POLK: variants seen among roughly 807,000 people sequenced by gnomAD.
POLK encodes polymerase (DNA directed) kappa.
Under a neutral mutation model 94.0 loss-of-function variants are expected in POLK, and 76 were observed. That is an observed-to-expected ratio of 0.81 (90% CI 0.67 to 0.98). POLK has a LOEUF of 0.98. Ranked by LOEUF, POLK falls within the 50% of genes least tolerant of loss-of-function variation. POLK has a pLI of 0.00. For synonymous variants in POLK, 349 were observed against 325.4 expected (o/e 1.07, Z -0.78); for missense variants, 954 against 1,010.1 (o/e 0.94, Z 0.75).
At chr5:75,564,524 G>A (rs1344352805) in intron 3 of POLK, among the ~76,000 whole-genome samples, 1 of 152,296 alleles carries the variant, frequency 6.6e-6, no homozygotes, top group East Asian at 1.9e-4. Flanking sequence ...GCAGTGCCTG[G>A]TACCGGTTTT....
chr5:75,542,869 C>T (rs752146791), intron 1 of POLK, among the ~76,000 whole-genome samples: 28 of 150,360 alleles, frequency 1.9e-4, no homozygotes, highest in Non-Finnish European at 3.1e-4. Context: ...TCTGCCACCG[C>T]GCCCAGCTAA....
At chr5:75,589,380 T>TACACACAC (rs1156672391) in intron 10 of POLK, among the ~76,000 whole-genome samples, 25 of 67,764 alleles carry the variant, frequency 3.7e-4, no homozygotes, top group African/African-American at 7.9e-4. Context: ...TTTATATATA[T>TACACACAC]ACACACATAC....
chr5:75,537,140 G>A (rs1224985104), intron 1 of POLK, among the ~76,000 whole-genome samples: 1 of 152,240 alleles, frequency 6.6e-6, no homozygotes, highest in East Asian at 1.9e-4. Context: ...TTCAGGCACT[G>A]CAGTGGCGGC....
At chr5:75,603,765 T>G (rs1281780872), downstream of POLK, among the ~76,000 whole-genome samples, 1 of 152,336 alleles carries the variant, frequency 6.6e-6, no homozygotes, top group East Asian at 1.9e-4. Context: ...ATATGCTTCC[T>G]GAATGCCCCT....
At chr5:75,547,733 G>T (rs1207289786) in intron 2 of POLK, among the ~76,000 whole-genome samples, 2 of 152,118 alleles carry the variant, frequency 1.3e-5, no homozygotes, top group African/African-American at 4.8e-5. Context: ...ATATGCATGT[G>T]TGATTTTTAT....
intron 3 of POLK, among the ~76,000 whole-genome samples, chr5:75,564,251 TTTTCTTTCTTTC>T (rs1771147527): frequency 6.7e-6 from 1 of 149,280 alleles, no homozygotes; most frequent in African/African-American, 2.6e-5. Flanking sequence ...TCTTTCTTTC[TTTTCTTTCTTTC>T]CTTTCTTTTT....
chr5:75,586,051 G>A (rs1772454201), intron 9 of POLK, among the ~76,000 whole-genome samples: 1 of 152,064 alleles, frequency 6.6e-6, no homozygotes, highest in Non-Finnish European at 1.5e-5. Context: ...AAGATAGCAG[G>A]AAATAAAACT....
At chr5:75,538,948 T>C (rs1398498455) in intron 1 of POLK, among the ~76,000 whole-genome samples, 1 of 152,094 alleles carries the variant, frequency 6.6e-6, no homozygotes, top group Non-Finnish European at 1.5e-5. Context: ...TTTTTTGTAT[T>C]TTTAGTAGAG....
intron 4 of POLK, among the ~76,000 whole-genome samples, chr5:75,571,692 C>G (rs1771607961): frequency 6.6e-6 from 1 of 152,122 alleles, no homozygotes; most frequent in Non-Finnish European, 1.5e-5. Flanking sequence ...AAAGCAAAAG[C>G]CTAGGTTTCA....
intron 1 of POLK, among the ~76,000 whole-genome samples, chr5:75,527,577 ATGTG>A (rs888502618): frequency 1.3e-5 from 2 of 149,886 alleles, no homozygotes; most frequent in African/African-American, 4.9e-5. Flanking sequence ...ATACATGTGT[ATGTG>A]TGTGTGTATA....
intron 1 of POLK, among the ~76,000 whole-genome samples, chr5:75,520,676 G>T (rs1308393529): frequency 6.6e-6 from 1 of 152,152 alleles, no homozygotes; most frequent in Admixed American, 6.5e-5. Context: ...TAGTATTACA[G>T]GCATGAACCA....
At chr5:75,532,863 T>C (rs914167662) in intron 1 of POLK, among the ~76,000 whole-genome samples, 2 of 152,244 alleles carry the variant, frequency 1.3e-5, no homozygotes, top group Non-Finnish European at 2.9e-5. Context: ...TTCATATGTT[T>C]GTTAGCCACG....
At chr5:75,513,861 C>T (rs1768196417) in intron 1 of POLK, among the ~76,000 whole-genome samples, 1 of 151,922 alleles carries the variant, frequency 6.6e-6, no homozygotes, top group African/African-American at 2.4e-5. Flanking sequence ...TGAGTCTCTT[C>T]CTGTTACTGT....
chr5:75,536,232 T>G (rs1769438507), intron 1 of POLK, among the ~76,000 whole-genome samples: 1 of 152,204 alleles, frequency 6.6e-6, no homozygotes, highest in South Asian at 2.1e-4. Flanking sequence ...GCTCTCTGAT[T>G]ACTTTCTCTG....
intron 1 of POLK, among the ~76,000 whole-genome samples, chr5:75,515,275 A>G (rs1009891076): frequency 2.0e-5 from 3 of 152,204 alleles, no homozygotes; most frequent in Non-Finnish European, 4.4e-5. Flanking sequence ...TAGTCCTGAG[A>G]AGCAGCAATA....
chr5:75,547,661 T>A (rs935990861), intron 2 of POLK, among the ~76,000 whole-genome samples: 1 of 152,234 alleles, frequency 6.6e-6, no homozygotes, highest in African/African-American at 2.4e-5. Flanking sequence ...TGTGCAAGTA[T>A]AACTGTGGAA....
upstream of POLK, chr5:75,511,028 G>A (rs1580880353): frequency 4.2e-6 from 6 of 1,431,514 alleles, no homozygotes; most frequent in East Asian, 2.6e-5. Context: ...CGCGCCTCCC[G>A]CCAGCCCCAC....
exon 15 of POLK, chr5:75,599,435 A>G (rs943196121): frequency 6.6e-6 from 1 of 152,162 alleles, no homozygotes; most frequent in Non-Finnish European, 1.5e-5. Flanking sequence ...AAGAACTCAC[A>G]GACTTTGACA....
rs565598162 is a variant in POLK, at chr5:75,565,255, C to T, written c.256-4085C>T. 2.0e-4 allele frequency among the ~76,000 whole-genome samples: 30 copies of T among 152,216 alleles called. No homozygotes were observed. In the East Asian group the frequency reaches 3.5e-3, roughly 18 times the overall value. On this transcript the variant is annotated intron_variant, in intron 3 of 14. Coordinates refer to ENST00000241436, the Ensembl canonical transcript of POLK. ...CAGGTCATTTATGTTCTTCTCTAAA[C>T]TGGTTATTCTAGTTAGCAGTTCCTG...
Sources: gnomAD v4.1 joint callset for allele counts (sites outside exome capture counted in the v4.1 genomes callset) on GRCh38, gnomAD v4.1.1 for gene constraint, MANE v1.5 for transcripts, NCBI Gene and HGNC (gene_info 2026-07-23, HGNC 2026-07-21) for gene names.